SPDYA: variants seen among roughly 807,000 people sequenced by gnomAD.
SPDYA encodes speedy protein A.
SPDYA carries 11 observed loss-of-function variants against 36.7 expected under a neutral mutation model. The ratio of observed to expected loss-of-function variants is 0.30; its 90% CI spans 0.19 to 0.50. The LOEUF (loss-of-function observed/expected upper bound fraction) is 0.50. Ranked by LOEUF, SPDYA falls within the 20% of genes least tolerant of loss-of-function variation. SPDYA has a pLI of 0.98. For synonymous variants in SPDYA, 115 were observed against 118.7 expected, an observed-to-expected ratio of 0.97 and a Z score of 0.20; for missense variants, 287 against 370.9, an observed-to-expected ratio of 0.77 and a Z score of 1.86.
chr2:28,813,644 C>T (rs1044480489), intron 1 of SPDYA, among the ~76,000 whole-genome samples: 2 of 151,800 alleles, frequency 1.3e-5, no homozygotes, highest in African/African-American at 2.4e-5. Flanking sequence ...CTCCGCCTCC[C>T]GGGTTCAAGC....
At position 28,811,573 on chromosome 2, in the gene SPDYA, A is replaced by G. The variant is rs1383700867; in HGVS notation, c.-93+626A>G. ...GGAGGGCCCCTAGCCTCAATCTTTT[A>G]AAAAGCCTTATGCCGAGTTGGGCGA... On this transcript the variant is annotated intron_variant, in intron 1 of 7. Transcript: ENST00000334056. The surrounding 1 kb of genome is among the most constrained non-coding windows in gnomAD (Gnocchi z 4.2). Among the ~76,000 whole-genome samples, 4 of 152,058 alleles carry G rather than the reference A, an allele frequency of 2.6e-5. No individual in the cohort carries two copies. The highest frequency in any genetic ancestry group is 5.9e-5 in the Non-Finnish European group (4 of 67,996).
At chr2:28,840,726 G>A in intron 7 of SPDYA, 2 of 1,167,016 alleles carry the variant, frequency 1.7e-6, no homozygotes, top group Non-Finnish European at 2.1e-6. Context: ...TATTTTAAGA[G>A]CCTGAATCAT....
intron 4 of SPDYA, among the ~76,000 whole-genome samples, chr2:28,819,486 C>G (rs921722239): frequency 6.6e-6 from 1 of 151,760 alleles, no homozygotes; most frequent in Non-Finnish European, 1.5e-5. Flanking sequence ...CCAGCTTGGA[C>G]AATAGAGCAA....
intron 7 of SPDYA, among the ~76,000 whole-genome samples, chr2:28,846,899 TTTC>T (rs1668892062): frequency 6.6e-6 from 1 of 152,276 alleles, no homozygotes; most frequent in African/African-American, 2.4e-5. Flanking sequence ...GGGCAGAACT[TTTC>T]TTGGCTCTTA....
chr2:28,818,981 G>T (rs951436271), intron 3 of SPDYA, 67 bp from the exon 4 acceptor site: 40 of 1,259,848 alleles, frequency 3.2e-5, no homozygotes, highest in Admixed American at 9.1e-5. Flanking sequence ...TCTTGACATA[G>T]AAATTAATTC....
chr2:28,824,495 A>C (rs1415392663), intron 5 of SPDYA, among the ~76,000 whole-genome samples: 20 of 148,200 alleles, frequency 1.3e-4, no homozygotes, highest in East Asian at 1.9e-4. Flanking sequence ...AAAAAAACAA[A>C]AAAAAAAAAC....
Position 28,850,288 on chromosome 2 carries a change from GAAAA to G in SPDYA, c.*350_*353del. On this transcript the variant is annotated 3_prime_UTR_variant, in exon 8 of 8. Coordinates refer to ENST00000334056, the MANE Select transcript of SPDYA (RefSeq NM_182756.4). Reference sequence around the variant, plus strand: ...CATAAAGTCATTATATTAATTAAAAGAAAAAACACCATTTAATATGTTCTGAAAA... The same window carrying G: ...CATAAAGTCATTATATTAATTAAAAGAACACCATTTAATATGTTCTGAAAA... 1.9e-6 allele frequency: 3 copies of G among 1,601,318 alleles called. No individual in the cohort carries two copies. The highest frequency in any genetic ancestry group is 2.6e-6 in the Non-Finnish European group (3 of 1,171,724).
rs987715231 is a variant in SPDYA, at chr2:28,811,115, C to G, written c.-93+168C>G. 1 of 152,364 alleles carries G rather than the reference C, an allele frequency of 6.6e-6. No homozygotes were observed. The highest frequency in any genetic ancestry group is 2.4e-5 in the African/African-American group (1 of 41,448). 9.4% of individuals were successfully genotyped at this position (152,364 alleles called of 1,614,324 possible). ...TCCCGTGGGCGCCCTCAGCTGCCTTCGCGGCGACGACACACGCGCTCCCCG... is the reference window on the plus strand; with the variant it reads ...TCCCGTGGGCGCCCTCAGCTGCCTTGGCGGCGACGACACACGCGCTCCCCG... On this transcript the variant is annotated intron_variant, in intron 1 of 7. Transcript: ENST00000334056. The surrounding 1 kb of genome is among the most constrained non-coding windows in gnomAD (Gnocchi z 4.2).
intron 4 of SPDYA, among the ~76,000 whole-genome samples, chr2:28,820,839 A>G (rs1011934253): frequency 6.6e-6 from 1 of 152,212 alleles, no homozygotes; most frequent in Non-Finnish European, 1.5e-5. Flanking sequence ...TGACAGGGAT[A>G]CACTAGAAGA....
intron 6 of SPDYA, among the ~76,000 whole-genome samples, chr2:28,834,925 C>G (rs1359246624): frequency 1.3e-5 from 2 of 152,218 alleles, no homozygotes; most frequent in Non-Finnish European, 2.9e-5. Flanking sequence ...TTCCCTTTCT[C>G]AGTTCCAATT....
chr2:28,826,611 C>CTTTT (rs777338299), intron 5 of SPDYA, among the ~76,000 whole-genome samples: 987 of 75,336 alleles, frequency 0.013, 27 homozygotes, highest in East Asian at 0.028. Context: ...TTCTTTCTCT[C>CTTTT]TTTTTTTTTT....
intron 5 of SPDYA, among the ~76,000 whole-genome samples, chr2:28,825,350 T>C (rs1285103515): frequency 6.6e-6 from 1 of 152,218 alleles, no homozygotes; most frequent in Non-Finnish European, 1.5e-5. Flanking sequence ...TTATTACCAG[T>C]AGAGCACTAT....
chr2:28,850,005 G>A lies in SPDYA; in HGVS notation c.*64G>A. 1.5e-6 allele frequency: 2 copies of A among 1,340,230 alleles called. No homozygotes were observed. Among genetic ancestry groups the A allele is most frequent in the South Asian group, 1.3e-5 (1 of 79,046 alleles). 83.0% of individuals were successfully genotyped at this position (1,340,230 alleles called of 1,614,324 possible). On this transcript the variant is annotated 3_prime_UTR_variant, in exon 8 of 8. Coordinates refer to ENST00000334056, the MANE Select transcript of SPDYA (RefSeq NM_182756.4). Reference sequence around the variant, plus strand: ...AAATGTCAAACTAACTGCAAGACAAGTGTCAAAATGGGATGTTTAAGCAGT... The same window carrying A: ...AAATGTCAAACTAACTGCAAGACAAATGTCAAAATGGGATGTTTAAGCAGT...
chr2:28,832,843 C>CA (rs1558328131), intron 6 of SPDYA, among the ~76,000 whole-genome samples: 1 of 131,058 alleles, frequency 7.6e-6, no homozygotes. Context: ...CCACCCCCAC[C>CA]TTTTTTTTTT....
chr2:28,840,892 A>G (rs1386438663), intron 7 of SPDYA: 6 of 506,526 alleles, frequency 1.2e-5, no homozygotes, highest in South Asian at 8.5e-5. Context: ...TTTATCACGA[A>G]GTATTTTCCC....
At chr2:28,832,902 G>A (rs967041792) in intron 6 of SPDYA, among the ~76,000 whole-genome samples, 3 of 147,100 alleles carry the variant, frequency 2.0e-5, no homozygotes, top group African/African-American at 7.6e-5. Context: ...GTGCAGTGGT[G>A]AGATCATGGC....
chr2:28,833,812 CT>C (rs2148096874), intron 6 of SPDYA, among the ~76,000 whole-genome samples: 1 of 152,088 alleles, frequency 6.6e-6, no homozygotes, highest in Admixed American at 6.5e-5. Context: ...AATTAGGTTT[CT>C]TAGACATGAT....
chr2:28,829,041 G>C (rs1668408556), intron 5 of SPDYA, 107 bp from the exon 6 acceptor site: 1 of 870,810 alleles, frequency 1.1e-6, no homozygotes, highest in Non-Finnish European at 1.7e-6. Flanking sequence ...AATTAACGTT[G>C]AACACCTTTC....
chr2:28,838,013 A>G (rs142180769), intron 6 of SPDYA, among the ~76,000 whole-genome samples: 1 of 151,962 alleles, frequency 6.6e-6, no homozygotes, highest in East Asian at 1.9e-4. Flanking sequence ...AGATAAAGTA[A>G]AAAAGGGGGA....
Sources: allele counts gnomAD v4.1 joint callset (sites outside exome capture counted in the v4.1 genomes callset), GRCh38; gene constraint gnomAD v4.1.1; non-coding constraint Gnocchi (gnomAD v3.1); transcripts MANE v1.5; gene names NCBI Gene and HGNC (gene_info 2026-07-23, HGNC 2026-07-21).